GALNT1: variants seen among roughly 807,000 people sequenced by gnomAD.
The protein encoded by GALNT1 is GalNAc transferase 1.
A neutral mutation model predicts 65.7 loss-of-function variants in GALNT1; 17 were observed. The observed-to-expected ratio is 0.26, with a 90% CI of 0.18 to 0.39. The LOEUF (loss-of-function observed/expected upper bound fraction) is 0.39, where lower values mean the gene tolerates loss of function less well. GALNT1 is among the 10% of genes least tolerant of loss of function. GALNT1 has a pLI of 1.00. For missense variants in GALNT1, 460 were observed against 672.8 expected (o/e 0.68, Z 3.50); for synonymous variants, 210 against 219.7 (o/e 0.96, Z 0.39).
rs190174930 is a variant in GALNT1 at position 35,653,572 on chromosome 18, A to G, written c.-103-988A>G. ...CACTTCATAGGAATGCACTTGGTTT[A>G]TATTTCTCCTGGTCTTCAGTGACAC... On this transcript the variant is annotated intron_variant, in intron 1 of 11. Transcript: ENST00000269195. 1.1e-3 allele frequency among the ~76,000 whole-genome samples: 162 copies of G among 152,316 alleles called. 2 individuals carry two copies. Among genetic ancestry groups the G allele is most frequent in the African/African-American group, 3.7e-3 (152 of 41,586 alleles).
intron 6 of GALNT1, 78 bp downstream of exon 6, chr18:35,687,264 A>G (rs1330382997): frequency 2.2e-5 from 31 of 1,393,268 alleles, no homozygotes; most frequent in African/African-American, 2.9e-5. Context: ...TATCAAATGG[A>G]TAAGTGTATT....
chr18:35,607,033 C>T (rs2046658972), intron 1 of GALNT1, among the ~76,000 whole-genome samples: 1 of 152,060 alleles, frequency 6.6e-6, no homozygotes, highest in African/African-American at 2.4e-5. Context: ...CAGAAGTGAG[C>T]ACCAGACTCA....
chr18:35,600,797 G>C (rs570815939), intron 1 of GALNT1, among the ~76,000 whole-genome samples: 1 of 152,054 alleles, frequency 6.6e-6, no homozygotes, highest in Non-Finnish European at 1.5e-5. Context: ...TCACTTGATC[G>C]TGGTGAATGA....
chr18:35,614,085 G>T (rs181929584), intron 1 of GALNT1, among the ~76,000 whole-genome samples: 1 of 152,160 alleles, frequency 6.6e-6, no homozygotes, highest in East Asian at 1.9e-4. Context: ...CAAGGAGACC[G>T]TGTAATCAGG....
chr18:35,705,335 A>G (rs945524123), intron 11 of GALNT1, among the ~76,000 whole-genome samples: 5 of 152,208 alleles, frequency 3.3e-5, no homozygotes, highest in Non-Finnish European at 5.9e-5. Flanking sequence ...TCTGACCTCT[A>G]TAAAGCTGTA....
At chr18:35,587,032 G>A (rs2046385701) in intron 1 of GALNT1, among the ~76,000 whole-genome samples, 1 of 152,116 alleles carries the variant, frequency 6.6e-6, no homozygotes, top group South Asian at 2.1e-4. Flanking sequence ...GTTTTATCAT[G>A]CAAGTCCTGT....
At chr18:35,643,649 A>C (rs1467601410) in intron 1 of GALNT1, among the ~76,000 whole-genome samples, 1 of 151,548 alleles carries the variant, frequency 6.6e-6, no homozygotes, top group Non-Finnish European at 1.5e-5. Flanking sequence ...AGTCCCAGCT[A>C]CTCGGGAGGC....
At chr18:35,597,176 T>C (rs1379778912) in intron 1 of GALNT1, 1 of 152,212 alleles carries the variant, frequency 6.6e-6, no homozygotes, top group Non-Finnish European at 1.5e-5. Context: ...TGCCCAAGAT[T>C]TAAGAGTCCT....
intron 1 of GALNT1, among the ~76,000 whole-genome samples, chr18:35,634,172 T>C (rs190462440): frequency 6.0e-4 from 92 of 152,302 alleles, no homozygotes; most frequent in Non-Finnish European, 4.7e-4. Flanking sequence ...GTTCATTTTC[T>C]CATTTAGTTT....
chr18:35,675,040 T>A, intron 3 of GALNT1, among the ~76,000 whole-genome samples: 1 of 139,734 alleles, frequency 7.2e-6, no homozygotes, highest in African/African-American at 2.6e-5. Context: ...GATAAAAGTC[T>A]CACTTGGGCA....
chr18:35,587,481 A>G (rs996277345), intron 1 of GALNT1, among the ~76,000 whole-genome samples: 1 of 152,030 alleles, frequency 6.6e-6, no homozygotes, highest in East Asian at 1.9e-4. Flanking sequence ...TAACTATAGG[A>G]TTTTCATGGA....
chr18:35,656,618 A>T (rs565900540), intron 2 of GALNT1, among the ~76,000 whole-genome samples: 1 of 152,350 alleles, frequency 6.6e-6, no homozygotes, highest in South Asian at 2.1e-4. Context: ...ACAAGAGCAC[A>T]GGAGGTGGCA....
intron 1 of GALNT1, among the ~76,000 whole-genome samples, chr18:35,651,706 T>G (rs1440127362): frequency 6.6e-6 from 1 of 152,178 alleles, no homozygotes; most frequent in Non-Finnish European, 1.5e-5. Flanking sequence ...AGTTGCTTAG[T>G]AAGTGGAGAA....
At chr18:35,627,243 A>G (rs933427815) in intron 1 of GALNT1, among the ~76,000 whole-genome samples, 4 of 152,210 alleles carry the variant, frequency 2.6e-5, no homozygotes, top group Non-Finnish European at 5.9e-5. Context: ...AATTCATGTA[A>G]TAGACATTAA....
chr18:35,645,187 C>T (rs1389621539), intron 1 of GALNT1, among the ~76,000 whole-genome samples: 5 of 148,794 alleles, frequency 3.4e-5, no homozygotes, highest in Admixed American at 2.0e-4. Flanking sequence ...TCACCTCTTG[C>T]ACCTGTTGGG....
intron 3 of GALNT1, among the ~76,000 whole-genome samples, chr18:35,673,891 G>A (rs574905912): frequency 6.6e-6 from 1 of 152,310 alleles, no homozygotes; most frequent in African/African-American, 2.4e-5. Context: ...TTGTCATTGT[G>A]TAAACATTAT....
chr18:35,705,893 C>T (rs1032944152), intron 11 of GALNT1, among the ~76,000 whole-genome samples: 25 of 152,260 alleles, frequency 1.6e-4, no homozygotes, highest in African/African-American at 5.3e-4. Flanking sequence ...TATCGCATCC[C>T]AACTCCAGGC....
intron 1 of GALNT1, among the ~76,000 whole-genome samples, chr18:35,632,043 T>C (rs536220567): frequency 1.3e-5 from 2 of 152,150 alleles, no homozygotes; most frequent in East Asian, 3.9e-4. Flanking sequence ...CTCAATGAAA[T>C]AAAAGAGGAT....
At chr18:35,595,980 G>C (rs2046499594) in intron 1 of GALNT1, 2 of 152,150 alleles carry the variant, frequency 1.3e-5, no homozygotes, top group Admixed American at 1.3e-4. Context: ...TAAATTTGGG[G>C]TGCATTTTGA....
Sources: gnomAD v4.1 joint callset for allele counts (sites outside exome capture counted in the v4.1 genomes callset) on GRCh38, gnomAD v4.1.1 for gene constraint, MANE v1.5 for transcripts, NCBI Gene and HGNC (gene_info 2026-07-23, HGNC 2026-07-21) for gene names.